CDH4: variants seen among roughly 807,000 people sequenced by gnomAD.
CDH4 encodes cadherin 4.
A neutral mutation model predicts 86.0 loss-of-function variants in CDH4; 33 were observed. The observed-to-expected ratio is 0.38, with a 90% CI of 0.29 to 0.51. The LOEUF (loss-of-function observed/expected upper bound fraction) is 0.51. Ranked by LOEUF, CDH4 falls within the 20% of genes least tolerant of loss-of-function variation. The pLI is 0.86. For missense variants in CDH4, 1,114 were observed against 1,307.4 expected, an observed-to-expected ratio of 0.85 and a Z score of 2.28; for synonymous variants, 555 against 549.4, an observed-to-expected ratio of 1.01 and a Z score of -0.14.
chr20:61,619,334 G>T (rs994368536), intron 2 of CDH4, among the ~76,000 whole-genome samples: 1 of 152,218 alleles, frequency 6.6e-6, no homozygotes, highest in Non-Finnish European at 1.5e-5. Context: ...CCTGCTATGT[G>T]ATGTGGTCTC....
At chr20:61,439,493 C>T (rs1035693827) in intron 2 of CDH4, among the ~76,000 whole-genome samples, 12 of 152,194 alleles carry the variant, frequency 7.9e-5, no homozygotes, top group African/African-American at 1.9e-4. Flanking sequence ...TAGTAGTGGA[C>T]GCTGGTCACC....
Position 61,737,059 on chromosome 20 carries a change from C to T in CDH4, c.170-6504C>T, listed in dbSNP as rs180744043. On this transcript the variant is annotated intron_variant, in intron 2 of 15. Transcript: ENST00000614565. ...TGGATTCTCTGGTGTGCAGCCCTTC[C>T]TGGGAAGGTTTGCCTCAGCATTCGT... 2.0e-5 allele frequency among the ~76,000 whole-genome samples: 3 copies of T among 152,294 alleles called. No homozygotes were observed. The East Asian group carries it at 5.8e-4, about 30-fold the overall frequency.
rs1394721865 is a variant in CDH4, at chr20:61,644,149, G to C, written c.170-99414G>C. On this transcript the variant is annotated intron_variant, in intron 2 of 15. Transcript: ENST00000614565. The stretch of plus-strand genomic sequence containing the variant: ...GAATGAGGAACTTGATCCAATATCA[G>C]GAGTGTGGAGGAGAGTTTCAGTGAA... Among the ~76,000 whole-genome samples the C allele has an allele frequency of 2.0e-5, 3 of 152,332 alleles. No homozygotes were observed. The East Asian group carries it at 5.8e-4, about 29-fold the overall frequency.
In CDH4 at chr20:61,937,386, G is replaced by A. The variant is rs2055208306; in HGVS notation, c.*443G>A. 6.4e-6 allele frequency: 1 copy of A among 155,306 alleles called. No individual in the cohort carries two copies. Among genetic ancestry groups the A allele is most frequent in the African/African-American group, 2.4e-5 (1 of 41,578 alleles). The allele number at this position is 155,306 out of a possible 1,614,324, so 9.6% of individuals were successfully genotyped here. A position where few individuals can be genotyped will look rare whatever the true frequency, so the allele number is the denominator to read the frequency against. ...AACCCCAGCTAGTCCCAGCTCTGAA[G>A]GCATCATTCAGAAATGGGGGAGACT... On this transcript the variant is annotated 3_prime_UTR_variant, in exon 16 of 16. Coordinates refer to ENST00000614565, the MANE Select transcript of CDH4 (RefSeq NM_001794.5).
intron 2 of CDH4, among the ~76,000 whole-genome samples, chr20:61,563,261 T>C (rs749024766): frequency 6.6e-6 from 1 of 152,226 alleles, no homozygotes; most frequent in Non-Finnish European, 1.5e-5. Context: ...AATGTGAAAG[T>C]AGCCGTTTTC....
intron 2 of CDH4, among the ~76,000 whole-genome samples, chr20:61,651,400 AG>A (rs2087119291): frequency 6.6e-6 from 1 of 152,216 alleles, no homozygotes; most frequent in Non-Finnish European, 1.5e-5. Context: ...TCAAGCGTAC[AG>A]GGGCCTCCCG....
intron 2 of CDH4, among the ~76,000 whole-genome samples, chr20:61,261,764 C>T (rs1196783816): frequency 6.6e-6 from 1 of 152,222 alleles, no homozygotes; most frequent in East Asian, 1.9e-4. Flanking sequence ...TGACCAGGCA[C>T]ACAGGTATGT....
intron 2 of CDH4, among the ~76,000 whole-genome samples, chr20:61,350,143 A>G: frequency 1.3e-5 from 1 of 78,810 alleles, no homozygotes; most frequent in Admixed American, 1.2e-4. Flanking sequence ...GGCCAGCGGA[A>G]CACCTCTGAC....
chr20:61,562,854 G>C (rs2086231156), intron 2 of CDH4, among the ~76,000 whole-genome samples: 2 of 152,232 alleles, frequency 1.3e-5, no homozygotes, highest in Non-Finnish European at 2.9e-5. Flanking sequence ...TCATCGGATG[G>C]AAGAGCACTG....
At chr20:61,872,946 G>A (rs563684191) in intron 6 of CDH4, among the ~76,000 whole-genome samples, 1 of 152,272 alleles carries the variant, frequency 6.6e-6, no homozygotes, top group South Asian at 2.1e-4. Context: ...ACAGGGTGGG[G>A]CGTGCTGATG....
chr20:61,545,176 C>T (rs1039768925), intron 2 of CDH4, among the ~76,000 whole-genome samples: 1 of 152,228 alleles, frequency 6.6e-6, no homozygotes, highest in Non-Finnish European at 1.5e-5. Flanking sequence ...ATCGGGACAA[C>T]GTGGCTGTTT....
chr20:61,630,128 C>T (rs1032163304), intron 2 of CDH4, among the ~76,000 whole-genome samples: 19 of 152,202 alleles, frequency 1.2e-4, no homozygotes, highest in Admixed American at 2.6e-4. Context: ...GAGCAGTGCT[C>T]GGAGGCAAAT....
chr20:61,909,969 G>A (rs2054831021), intron 8 of CDH4, among the ~76,000 whole-genome samples: 1 of 152,270 alleles, frequency 6.6e-6, no homozygotes, highest in Non-Finnish European at 1.5e-5. Flanking sequence ...CGTGGCTGCA[G>A]GGCTGACGCA....
intron 2 of CDH4, chr20:61,570,819 G>T (rs972381252): frequency 1.4e-6 from 1 of 701,242 alleles, no homozygotes; most frequent in East Asian, 2.7e-5. Flanking sequence ...GCGCCAGGGG[G>T]TTGCTGCTGT....
chr20:61,662,211 G>A (rs752715727), intron 2 of CDH4, among the ~76,000 whole-genome samples: 2 of 152,180 alleles, frequency 1.3e-5, no homozygotes, highest in Non-Finnish European at 2.9e-5. Flanking sequence ...GAGGGAAGTT[G>A]TAAAGACAGA....
In CDH4 at chr20:61,455,256, A is replaced by G. The variant is rs141026207; in HGVS notation, c.169+200319A>G. ...CATATACACTGCTTGGTGATGTTCA[A>G]TATGTAAGCACTCCAGAAGAAAGCA... On this transcript the variant is annotated intron_variant, in intron 2 of 15. Coordinates refer to ENST00000614565, the MANE Select transcript of CDH4 (RefSeq NM_001794.5). Among the ~76,000 whole-genome samples, 619 of 152,354 alleles carry G rather than the reference A, an allele frequency of 4.1e-3. 18 individuals carry two copies. The highest frequency in any genetic ancestry group is 0.028 in the Admixed American group (433 of 15,310).
chr20:61,415,454 C>T (rs2085141395), intron 2 of CDH4, among the ~76,000 whole-genome samples: 1 of 152,172 alleles, frequency 6.6e-6, no homozygotes, highest in South Asian at 2.1e-4. Context: ...GTCATGGAAA[C>T]CATGGCCACT....
chr20:61,453,481 A>T (rs1320956526), intron 2 of CDH4, among the ~76,000 whole-genome samples: 1 of 152,032 alleles, frequency 6.6e-6, no homozygotes, highest in Non-Finnish European at 1.5e-5. Context: ...TGGGAGGAGG[A>T]TGCTATTACC....
rs1167872717 is a variant in CDH4 at position 61,393,242 on chromosome 20, G to A, written c.169+138305G>A. On this transcript the variant is annotated intron_variant, in intron 2 of 15. Coordinates refer to ENST00000614565, the MANE Select transcript of CDH4 (RefSeq NM_001794.5). The surrounding 1 kb of genome is among the most constrained non-coding windows in gnomAD (Gnocchi z 4.3). ...CTTCCCTGGGGGTGCAGGACCCAGT[G>A]TTCCCTCCAACAAGAGGCCATCTCA... Among the ~76,000 whole-genome samples the A allele has an allele frequency of 6.6e-6, 1 of 152,066 alleles. No individual in the cohort carries two copies. The highest frequency in any genetic ancestry group is 1.5e-5 in the Non-Finnish European group (1 of 68,012).
Sources: gnomAD v4.1 joint callset for allele counts (sites outside exome capture counted in the v4.1 genomes callset) on GRCh38, gnomAD v4.1.1 for gene constraint, Gnocchi (gnomAD v3.1) non-coding constraint, MANE v1.5 for transcripts, NCBI Gene and HGNC (gene_info 2026-07-23, HGNC 2026-07-21) for gene names.